SEC14L5: variants seen among roughly 807,000 people sequenced by gnomAD.
SEC14L5 encodes the protein SEC14 like lipid binding 5, also known as SEC14-like protein 5.
A neutral mutation model predicts 84.6 loss-of-function variants in SEC14L5; 96 were observed. The ratio of observed to expected loss-of-function variants is 1.13; its 90% CI spans 0.96 to 1.34. The LOEUF (loss-of-function observed/expected upper bound fraction) is 1.34, where lower values mean the gene tolerates loss of function less well. Among genes scored for constraint, SEC14L5 ranks in the 40% most tolerant of loss-of-function variants. The pLI, the probability that SEC14L5 is intolerant of heterozygous loss-of-function variation, is 0.00. For missense variants in SEC14L5, 1,224 were observed against 942.5 expected, an observed-to-expected ratio of 1.30 and a Z score of -3.91; for synonymous variants, 546 against 383.4, an observed-to-expected ratio of 1.42 and a Z score of -4.95.
intron 6 of SEC14L5, among the ~76,000 whole-genome samples, chr16:4,992,760 C>A (rs891720821): frequency 8.5e-5 from 13 of 152,260 alleles, no homozygotes; most frequent in African/African-American, 3.1e-4. Context: ...CGATTCTTTT[C>A]CTCTCCCTAA....
At chr16:4,998,463 G>C (rs142000370) in intron 8 of SEC14L5, among the ~76,000 whole-genome samples, 13 of 151,674 alleles carry the variant, frequency 8.6e-5, no homozygotes, top group Non-Finnish European at 1.6e-4. Context: ...CTAGGGCCGG[G>C]CGCGGTGGCT....
chr16:4,991,096 C>G (rs1443332063), intron 5 of SEC14L5, among the ~76,000 whole-genome samples: 1 of 151,100 alleles, frequency 6.6e-6, no homozygotes, highest in Admixed American at 6.6e-5. Context: ...CTAATCCTCG[C>G]TCTGGCACCA....
intron 2 of SEC14L5, among the ~76,000 whole-genome samples, chr16:4,979,829 C>T (rs190255930): frequency 1.3e-5 from 2 of 152,300 alleles, no homozygotes; most frequent in East Asian, 1.9e-4. Context: ...CCCTGCATCC[C>T]CTTCTCTGCC....
intron 8 of SEC14L5, among the ~76,000 whole-genome samples, chr16:4,998,391 T>G (rs1324719722): frequency 6.6e-6 from 1 of 152,024 alleles, no homozygotes; most frequent in Non-Finnish European, 1.5e-5. Flanking sequence ...GATTTTTAAG[T>G]TAAATTGCCA....
At chr16:4,974,074 G>C (rs928245581) in intron 2 of SEC14L5, among the ~76,000 whole-genome samples, 1 of 152,064 alleles carries the variant, frequency 6.6e-6, no homozygotes, top group Non-Finnish European at 1.5e-5. Flanking sequence ...TCTAGGACTG[G>C]GGTGGCAGGG....
chr16:4,993,522 G>T (rs1307623606), intron 6 of SEC14L5, among the ~76,000 whole-genome samples: 1 of 152,200 alleles, frequency 6.6e-6, no homozygotes, highest in African/African-American at 2.4e-5. Flanking sequence ...AATTACATGT[G>T]AGCCACTGCC....
rs180873334 is a variant in SEC14L5 at position 5,000,016 on chromosome 16, C to G, written c.971-639C>G. The stretch of plus-strand genomic sequence containing the variant: ...TTGACAAAAAGTATTATGGGGCCAG[C>G]TGCGGTGGCTCATGCCTGTGATCCC... On this transcript the variant is annotated intron_variant, in intron 8 of 15. Coordinates refer to ENST00000251170, the MANE Select transcript of SEC14L5 (RefSeq NM_014692.2). Among the ~76,000 whole-genome samples the G allele has an allele frequency of 1.8e-3, 276 of 152,014 alleles. 1 individual carries two copies. Among genetic ancestry groups the G allele is most frequent in the African/African-American group, 6.5e-3 (269 of 41,468 alleles).
intron 2 of SEC14L5, among the ~76,000 whole-genome samples, chr16:4,976,755 C>G (rs1467684995): frequency 6.6e-6 from 1 of 152,190 alleles, no homozygotes; most frequent in Non-Finnish European, 1.5e-5. Flanking sequence ...AGCAGGCAGG[C>G]TTGGATGTCC....
In SEC14L5 at chr16:5,018,982, T is replaced by C. The variant is rs1326142358; in HGVS notation, c.*4012T>C. ...TGTTTTCCATTTGGATAAACTTGCA[T>C]CGTCAGCTTCCTAAAACCCTGGAGG... On this transcript the variant is annotated 3_prime_UTR_variant, in exon 16 of 16. Coordinates refer to ENST00000251170, the MANE Select transcript of SEC14L5 (RefSeq NM_014692.2). The C allele has an allele frequency of 1.3e-5, 2 of 152,322 alleles. No individual in the cohort carries two copies. The highest frequency in any genetic ancestry group is 2.1e-4 in the South Asian group (1 of 4,824). The allele number at this position is 152,322 out of a possible 1,614,324, so 9.4% of individuals were successfully genotyped here.
chr16:4,984,513 T>A (rs1277407287), intron 2 of SEC14L5, among the ~76,000 whole-genome samples: 1 of 152,262 alleles, frequency 6.6e-6, no homozygotes, highest in Non-Finnish European at 1.5e-5. Flanking sequence ...TATTTTTTTG[T>A]GTGGACTTAT....
At chr16:4,972,658 C>T (rs1179479213) in intron 2 of SEC14L5, among the ~76,000 whole-genome samples, 1 of 152,228 alleles carries the variant, frequency 6.6e-6, no homozygotes, top group Non-Finnish European at 1.5e-5. Flanking sequence ...GTGGCAGGTG[C>T]CAGGTGCCTC....
chr16:4,984,992 A>G (rs1955467885), intron 2 of SEC14L5, among the ~76,000 whole-genome samples: 1 of 151,942 alleles, frequency 6.6e-6, no homozygotes, highest in Non-Finnish European at 1.5e-5. Context: ...ATTTGCAAAA[A>G]TTTTCTCCCA....
At chr16:4,975,271 G>C (rs552519682) in intron 2 of SEC14L5, among the ~76,000 whole-genome samples, 2 of 151,864 alleles carry the variant, frequency 1.3e-5, no homozygotes, top group East Asian at 3.9e-4. Flanking sequence ...AGGAGATCAA[G>C]ACCATCCTGG....
At chr16:4,995,578 G>C (rs1596633461) in intron 6 of SEC14L5, among the ~76,000 whole-genome samples, 2 of 151,046 alleles carry the variant, frequency 1.3e-5, no homozygotes, top group South Asian at 4.2e-4. Flanking sequence ...ACTCATTCGA[G>C]TTACTCCACC....
chr16:5,014,118 T>C (rs1296543187), intron 15 of SEC14L5, among the ~76,000 whole-genome samples: 1 of 152,218 alleles, frequency 6.6e-6, no homozygotes, highest in South Asian at 2.1e-4. Flanking sequence ...TGCAGCAATT[T>C]AACTTAGCAA....
chr16:4,974,935 G>T (rs945437618), intron 2 of SEC14L5, among the ~76,000 whole-genome samples: 3 of 151,912 alleles, frequency 2.0e-5, no homozygotes, highest in Non-Finnish European at 4.4e-5. Flanking sequence ...GTGCCACCAT[G>T]CCTGGCTAAT....
intron 1 of SEC14L5, among the ~76,000 whole-genome samples, chr16:4,958,714 G>A (rs1242236972): frequency 6.6e-6 from 1 of 152,214 alleles, no homozygotes; most frequent in African/African-American, 2.4e-5. Flanking sequence ...GCGTGTTTCA[G>A]GGTGTGTGTG....
chr16:4,980,577 G>A (rs1955410177), intron 2 of SEC14L5, among the ~76,000 whole-genome samples: 1 of 152,164 alleles, frequency 6.6e-6, no homozygotes, highest in African/African-American at 2.4e-5. Flanking sequence ...CTTCTTTGCT[G>A]GTTAGCATTG....
At chr16:4,964,948 C>T (rs1955178815) in intron 2 of SEC14L5, among the ~76,000 whole-genome samples, 1 of 151,952 alleles carries the variant, frequency 6.6e-6, no homozygotes, top group Admixed American at 6.6e-5. Context: ...TCAGGCTGGT[C>T]TCGAACTCCT....
Sources: gnomAD v4.1 joint callset for allele counts (sites outside exome capture counted in the v4.1 genomes callset) on GRCh38, gnomAD v4.1.1 for gene constraint, MANE v1.5 for transcripts, NCBI Gene and HGNC (gene_info 2026-07-23, HGNC 2026-07-21) for gene names.